Variants in CTNNA1 observed in about 807,000 individuals in gnomAD.
CTNNA1 encodes catenin alpha 1.
In CTNNA1, 37 loss-of-function variants were observed where a neutral mutation model predicts 98.4. The ratio of observed to expected loss-of-function variants is 0.38; its 90% CI spans 0.29 to 0.49. The LOEUF (loss-of-function observed/expected upper bound fraction) is 0.49. CTNNA1 is among the 20% of genes least tolerant of loss of function. The pLI is 0.95. For missense variants in CTNNA1, 761 were observed against 1,147.2 expected (o/e 0.66, Z 4.86); for synonymous variants, 404 against 413.2 (o/e 0.98, Z 0.27).
At chr5:138,868,488 C>A (rs746367503) in intron 7 of CTNNA1, among the ~76,000 whole-genome samples, 2 of 152,126 alleles carry the variant, frequency 1.3e-5, no homozygotes, top group East Asian at 1.9e-4. Flanking sequence ...CATCAACCAA[C>A]CCCCAAGGTA....
intron 7 of CTNNA1, among the ~76,000 whole-genome samples, chr5:138,856,819 T>C (rs763560281): frequency 6.6e-6 from 1 of 152,226 alleles, no homozygotes; most frequent in African/African-American, 2.4e-5. Flanking sequence ...GCCTAATTCA[T>C]GAGATGAAAT....
intron 1 of CTNNA1, among the ~76,000 whole-genome samples, chr5:138,779,029 C>T (rs547757295): frequency 5.3e-5 from 8 of 152,230 alleles, no homozygotes; most frequent in East Asian, 1.9e-4. Context: ...CAAGCAACCG[C>T]CACTACGCCT....
intron 3 of CTNNA1, among the ~76,000 whole-genome samples, chr5:138,788,638 T>C (rs1003040321): frequency 2.6e-5 from 4 of 152,208 alleles, no homozygotes; most frequent in Non-Finnish European, 5.9e-5. Flanking sequence ...TGCCTTGTGG[T>C]ACATAAATGT....
intron 6 of CTNNA1, among the ~76,000 whole-genome samples, chr5:138,825,481 A>AATTTTTTTTTTTTTTTTT (rs1561565679): frequency 4.7e-5 from 1 of 21,350 alleles, no homozygotes; most frequent in African/African-American, 2.3e-4. Flanking sequence ...CAGCAGTATA[A>AATTTTTTTTTTTTTTTTT]GTTTTTTTTT....
intron 11 of CTNNA1, among the ~76,000 whole-genome samples, chr5:138,923,303 T>G (rs1763305581): frequency 6.6e-6 from 1 of 152,238 alleles, no homozygotes. Flanking sequence ...CATTTATTCT[T>G]GTAATTGGTT....
intron 10 of CTNNA1, among the ~76,000 whole-genome samples, chr5:138,911,364 G>C (rs192870673): frequency 6.6e-6 from 1 of 152,134 alleles, no homozygotes; most frequent in Non-Finnish European, 1.5e-5. Flanking sequence ...CCTAAGCCCA[G>C]GAATGTATCA....
chr5:138,840,744 A>T (rs1762203715), intron 7 of CTNNA1, among the ~76,000 whole-genome samples: 1 of 152,188 alleles, frequency 6.6e-6, no homozygotes, highest in African/African-American at 2.4e-5. Flanking sequence ...CATTTTTTTA[A>T]AATTAGGTGT....
chr5:138,894,098 T>C (rs1756146836), intron 9 of CTNNA1, among the ~76,000 whole-genome samples: 1 of 151,658 alleles, frequency 6.6e-6, no homozygotes, highest in South Asian at 2.1e-4. Flanking sequence ...TTGTAGTTTT[T>C]AGTAGAGATG....
At chr5:138,855,206 T>A (rs1240473595) in intron 7 of CTNNA1, among the ~76,000 whole-genome samples, 1 of 152,102 alleles carries the variant, frequency 6.6e-6, no homozygotes, top group Non-Finnish European at 1.5e-5. Context: ...GCCCAGCTAA[T>A]TTTTGTATTT....
Position 138,810,159 on chromosome 5 carries a change from G to T in CTNNA1, c.423G>T (p.Leu141Phe), listed in dbSNP as rs377601723. The change falls in exon 4 of 18, where the codon TTG becomes TTT. Residue 141 changes from leucine to phenylalanine, a missense_variant. Coordinates refer to ENST00000302763, the MANE Select transcript of CTNNA1 (RefSeq NM_001903.5). Reference protein sequence around the residue: ...LLSAVTRLLILADMADVYKLL... With the variant: ...LLSAVTRLLIFADMADVYKLL... The stretch of plus-strand genomic sequence containing the variant: ...CTGCTGTTACCCGGTTGCTGATTTT[G>T]GCTGACATGGCAGATGTCTACAAAT... 6.2e-7 allele frequency: 1 copy of T among 1,614,062 alleles called. No homozygotes were observed.
chr5:138,892,155 C>A (rs957524800), intron 9 of CTNNA1, among the ~76,000 whole-genome samples: 11 of 152,060 alleles, frequency 7.2e-5, no homozygotes, highest in African/African-American at 2.7e-4. Context: ...GCACCTTGGG[C>A]ACAGGACTTC....
At chr5:138,851,483 C>T (rs1047353496) in intron 7 of CTNNA1, among the ~76,000 whole-genome samples, 2 of 152,080 alleles carry the variant, frequency 1.3e-5, no homozygotes, top group Non-Finnish European at 2.9e-5. Context: ...CCTGGCTGGG[C>T]GCGGTGGCTC....
intron 10 of CTNNA1, among the ~76,000 whole-genome samples, chr5:138,916,977 T>G (rs1389938342): frequency 6.6e-6 from 1 of 151,650 alleles, no homozygotes; most frequent in Non-Finnish European, 1.5e-5. Flanking sequence ...TTTCACCATG[T>G]TGGTCAGGCT....
At chr5:138,840,431 G>A (rs1474420690) in intron 7 of CTNNA1, among the ~76,000 whole-genome samples, 3 of 152,178 alleles carry the variant, frequency 2.0e-5, no homozygotes. Context: ...TGGTGTGAAC[G>A]TAAAACTATA....
chr5:138,811,150 A>T (rs1247318075), intron 4 of CTNNA1, among the ~76,000 whole-genome samples: 1 of 149,794 alleles, frequency 6.7e-6, no homozygotes, highest in East Asian at 2.0e-4. Flanking sequence ...GGGGCTCCTC[A>T]CTTCTCAGAT....
chr5:138,810,848 A>C (rs1758618859), intron 4 of CTNNA1, among the ~76,000 whole-genome samples: 1 of 151,952 alleles, frequency 6.6e-6, no homozygotes, highest in Admixed American at 6.5e-5. Context: ...GGGGCTCCTC[A>C]CTTCCCCAGT....
In CTNNA1 at chr5:138,781,992, T is replaced by A. The variant is rs762931250; in HGVS notation, c.68T>A (p.Leu23Gln). The change falls in exon 2 of 18, where the codon CTG (leucine) becomes CAG (glutamine). Residue 23 changes from leucine (L) to glutamine (Q), a missense_variant. This residue lies in a region of CTNNA1 where 328 missense variants were observed against 354.3 expected (regional missense o/e 0.93). Transcript: ENST00000302763. ...CCTAAAAGTCTAGAGATCAGGACTC[T>A]GGCAGTTGAGAGACTGTTGGAGCCT... is the stretch of plus-strand genomic sequence containing the variant. Reference protein sequence around the residue: ...WDPKSLEIRTLAVERLLEPLV... With the variant: ...WDPKSLEIRTQAVERLLEPLV... 6.2e-7 allele frequency: 1 copy of A among 1,607,914 alleles called. No homozygotes were observed. Among genetic ancestry groups the A allele is most frequent in the Non-Finnish European group, 8.5e-7 (1 of 1,178,798 alleles).
chr5:138,849,823 GT>G (rs906180695), intron 7 of CTNNA1, among the ~76,000 whole-genome samples: 38 of 147,826 alleles, frequency 2.6e-4, no homozygotes, highest in East Asian at 1.2e-3. Flanking sequence ...CTGATAAAAA[GT>G]TTTTTTTTTT....
In CTNNA1 at chr5:138,810,554, T is replaced by C. The variant is rs1249711752; in HGVS notation, c.468+350T>C. Among the ~76,000 whole-genome samples the C allele has an allele frequency of 1.1e-4, 17 of 152,324 alleles. No individual in the cohort carries two copies. The Middle Eastern group carries it at 0.014, about 122-fold the overall frequency. ...TACTTTTATTTATTTATTTATTTTT[T>C]CCATTTAACCCTGAGTGGACACAGC... On this transcript the variant is annotated intron_variant, in intron 4 of 17. Coordinates refer to ENST00000302763, the MANE Select transcript of CTNNA1 (RefSeq NM_001903.5).
Sources: gnomAD v4.1 joint callset for allele counts (sites outside exome capture counted in the v4.1 genomes callset) on GRCh38, gnomAD v4.1.1 for gene constraint, gnomAD v4.1.1 regional missense constraint, MANE v1.5 for transcripts, NCBI Gene and HGNC (gene_info 2026-07-23, HGNC 2026-07-21) for gene names.